The following STAB1 variants were observed in gnomAD, a reference collection of about 807,000 sequenced individuals.
STAB1 encodes stabilin-1.
Under a neutral mutation model 332.4 loss-of-function variants are expected in STAB1, and 250 were observed. The ratio of observed to expected loss-of-function variants is 0.75; its 90% CI spans 0.68 to 0.84. STAB1 has a LOEUF of 0.84. STAB1 is among the 40% of genes least tolerant of loss of function. The pLI is 0.00. For missense variants in STAB1, 3,249 were observed against 3,489.7 expected (o/e 0.93, Z 1.74); for synonymous variants, 1,475 against 1,390.4 (o/e 1.06, Z -1.35).
intron 18 of STAB1, 23 bp from the exon 19 acceptor site, chr3:52,507,590 C>A (rs1260802777): frequency 1.2e-6 from 2 of 1,609,560 alleles, no homozygotes; most frequent in Non-Finnish European, 1.7e-6. Context: ...CCCCTCTCCC[C>A]ATCCTGCCCC....
chr3:52,504,467 G>A lies in STAB1; in HGVS notation c.1157G>A (p.Gly386Asp). 1 of 1,613,948 alleles carries A rather than the reference G, an allele frequency of 6.2e-7. No individual in the cohort carries two copies. The highest frequency in any genetic ancestry group is 8.5e-7 in the Non-Finnish European group (1 of 1,179,984). Residue 386 changes from glycine (G) to aspartate (D), a missense_variant, in exon 11 of 69, where the codon GGC (glycine) becomes GAC (aspartate). Physicochemically the swap from Gly to Asp is moderately conservative, Grantham distance 94. Coordinates refer to ENST00000321725, the MANE Select transcript of STAB1 (RefSeq NM_015136.3). ...CCCTCACCCTGCCCCCCAGACCAGG[G>A]CTGCCGGGAAATCCTTACCACAGCG... is the stretch of plus-strand genomic sequence containing the variant. ...LRVAVAMMDQ[G>D]CREILTTAGP...
chr3:52,513,245 T>C lies in STAB1; in HGVS notation c.3270+4T>C. On this transcript the variant is annotated splice_donor_region_variant and intron_variant, in intron 30 of 68. Coordinates refer to ENST00000321725, the MANE Select transcript of STAB1 (RefSeq NM_015136.3). ...GGAGATTCGCAACATTAGTGGGGTA[T>C]GTGGTGAACTCTGGGCAGAAAAGGG... is the stretch of plus-strand genomic sequence containing the variant. 1.3e-6 allele frequency: 2 copies of C among 1,567,394 alleles called. No individual in the cohort carries two copies. Among genetic ancestry groups the C allele is most frequent in the Non-Finnish European group, 1.7e-6 (2 of 1,157,022 alleles).
Position 52,516,032 on chromosome 3 carries a change from C to T in STAB1, c.3949-11C>T. ...CCTCTCTCGCCCTCTCTCCCATCCC[C>T]ACGCCGACAGGTGCCGGACTGCTGC... On this transcript the variant is annotated splice_polypyrimidine_tract_variant and intron_variant, in intron 37 of 68. Transcript: ENST00000321725. 7 of 1,596,454 alleles carry T rather than the reference C, an allele frequency of 4.4e-6. No homozygotes were observed. Among genetic ancestry groups the T allele is most frequent in the Non-Finnish European group, 6.0e-6 (7 of 1,171,786 alleles).
rs1348600423 is a variant in STAB1 at position 52,510,394 on chromosome 3, C to T, written c.2674C>T (p.His892Tyr). 2 of 1,613,968 alleles carry T rather than the reference C, an allele frequency of 1.2e-6. No homozygotes were observed. Among genetic ancestry groups the T allele is most frequent in the Admixed American group, 1.7e-5 (1 of 60,004 alleles). ...CCTGGGCACCCACCACTGCACATGC[C>T]ACAAAGGCTGGAGTGGGGATGGCCG... ...GSLGTHHCTC[H>Y]KGWSGDGRVC... Residue 892 changes from histidine (H) to tyrosine (Y), a missense_variant, in exon 25 of 69, where the codon CAC (histidine) becomes TAC (tyrosine). Transcript: ENST00000321725.
At chr3:52,502,585 G>A in intron 5 of STAB1, 47 bp from the exon 6 acceptor site, 1 of 1,508,168 alleles carries the variant, frequency 6.6e-7, no homozygotes, top group Non-Finnish European at 9.2e-7. Context: ...CCCAGTGTGT[G>A]CCTGGGAGAG....
In STAB1 at chr3:52,517,401, T is replaced by C; in HGVS notation, c.4563+8T>C. On this transcript the variant is annotated splice_region_variant and intron_variant, in intron 43 of 68. Transcript: ENST00000321725. ...CCCACTGGCCCCCAGCAGGTCAGCA[T>C]GGCAGGGTTGGACATGGGGCATCAT... 6.3e-7 allele frequency: 1 copy of C among 1,596,832 alleles called. No homozygotes were observed. The highest frequency in any genetic ancestry group is 8.5e-7 in the Non-Finnish European group (1 of 1,172,376).
At position 52,503,458 on chromosome 3, in the gene STAB1, G is replaced by C. The variant is rs780296794; in HGVS notation, c.809G>C (p.Cys270Ser). 10 of 1,613,846 alleles carry C rather than the reference G, an allele frequency of 6.2e-6. No individual in the cohort carries two copies. The highest frequency in any genetic ancestry group is 8.5e-6 in the Non-Finnish European group (10 of 1,180,044). Residue 270 changes from cysteine to serine, a missense_variant, in exon 8 of 69, where the codon TGT becomes TCT. Cys to Ser is a moderately radical substitution (Grantham distance 112). Coordinates refer to ENST00000321725, the MANE Select transcript of STAB1 (RefSeq NM_015136.3). ...AACTACCATGGCGATGGGATGGTGT[G>C]TCTGCCCAAGGACCCATGCACTGAC... ...PENYHGDGMVCLPKDPCTDNL... is the reference protein window; with the variant it reads ...PENYHGDGMVSLPKDPCTDNL...
At chr3:52,517,495 G>C (rs946306595) in intron 43 of STAB1, 55 bp from the exon 44 acceptor site, 1 of 1,602,134 alleles carries the variant, frequency 6.2e-7, no homozygotes, top group Non-Finnish European at 8.5e-7. Context: ...CTTTTACCCA[G>C]GGTGCTGGCC....
In STAB1 at chr3:52,523,487, G is replaced by A. The variant is rs200488238; in HGVS notation, c.7201G>A (p.Ala2401Thr). The A allele has an allele frequency of 9.9e-5, 160 of 1,612,276 alleles. No homozygotes were observed. Among genetic ancestry groups the A allele is most frequent in the Admixed American group, 3.2e-4 (19 of 60,026 alleles). The change falls in exon 65 of 69, where the codon GCC (alanine) becomes ACC (threonine). Residue 2401 changes from alanine to threonine, a missense_variant. Physicochemically the swap from Ala to Thr is moderately conservative, Grantham distance 58 (BLOSUM62 0). Coordinates refer to ENST00000321725, the MANE Select transcript of STAB1 (RefSeq NM_015136.3). Reference protein sequence around the residue: ...ASNATLLSANASQGKLLPAHS... With the variant: ...ASNATLLSANTSQGKLLPAHS... ...CAACGCCACCCTCCTAAGTGCCAAC[G>A]CCAGCCAGGGGAAGTTGCTTCCGGC...
intron 16 of STAB1, 75 bp downstream of exon 16, chr3:52,506,011 G>A: frequency 1.3e-6 from 2 of 1,579,058 alleles, no homozygotes; most frequent in Non-Finnish European, 1.7e-6. Flanking sequence ...CTTCCCCAAG[G>A]CCCCATCTCT....
intron 23 of STAB1, 29 bp downstream of exon 23, chr3:52,510,085 A>G: frequency 6.2e-7 from 1 of 1,613,066 alleles, no homozygotes. Context: ...TGTCTGCCCC[A>G]CCCGTGACCT....
intron 10 of STAB1, 85 bp downstream of exon 10, chr3:52,504,240 C>G (rs1437265888): frequency 6.6e-6 from 10 of 1,521,408 alleles, no homozygotes; most frequent in Non-Finnish European, 8.8e-6. Flanking sequence ...TCTGCAGATT[C>G]CAGTTTCTCT....
At chr3:52,513,495 G>T (rs991369930) in intron 30 of STAB1, among the ~76,000 whole-genome samples, 1 of 152,194 alleles carries the variant, frequency 6.6e-6, no homozygotes, top group African/African-American at 2.4e-5. Flanking sequence ...CTGTCACCAC[G>T]GGCCCTGGGG....
rs775040378 is a variant in STAB1, at chr3:52,509,913, TG to T, written c.2398del (p.Val800CysfsTer113). 8.1e-6 allele frequency: 13 copies of T among 1,612,814 alleles called. No individual in the cohort carries two copies. The highest frequency in any genetic ancestry group is 1.0e-5 in the Non-Finnish European group (12 of 1,179,984). ...GTCTCTGCGACAACCGCCCAGGCAG[TG>T]GGGGGGTGTGCCAGCAGGGCACGTG... ...HGLCDNRPGS[G>X]GVCQQGTCAP... On this transcript the variant is annotated frameshift_variant, in exon 23 of 69. Coordinates refer to ENST00000321725, the MANE Select transcript of STAB1 (RefSeq NM_015136.3). LOFTEE classifies it high-confidence loss of function.
At chr3:52,509,436 G>A (rs1709130380) in intron 22 of STAB1, 115 bp downstream of exon 22, 4 of 796,320 alleles carry the variant, frequency 5.0e-6, no homozygotes. Context: ...GAAGGCCAAG[G>A]GGAGTGGAGG....
At chr3:52,523,189 C>G (rs879043046) in intron 63 of STAB1, 33 bp from the exon 64 acceptor site, 1 of 1,612,456 alleles carries the variant, frequency 6.2e-7, no homozygotes, top group East Asian at 2.2e-5. Context: ...GAGGAGGGAG[C>G]CTGCTCATAG....
Position 52,501,741 on chromosome 3 carries a change from T to A in STAB1, c.319T>A (p.Ser107Thr). The A allele has an allele frequency of 6.4e-7, 1 of 1,563,904 alleles. No individual in the cohort carries two copies. Among genetic ancestry groups the A allele is most frequent in the Non-Finnish European group, 8.7e-7 (1 of 1,155,028 alleles). Residue 107 changes from serine (S) to threonine (T), a missense_variant, in exon 3 of 69, where the codon TCC becomes ACC. Physicochemically the swap from Ser to Thr is moderately conservative, Grantham distance 58. Transcript: ENST00000321725. ...GGCCTGCTGCCCTGGCTACTGGGGTTCCCGGTGCCATGGTATGGGAGAAAG... is the reference window on the plus strand; with the variant it reads ...GGCCTGCTGCCCTGGCTACTGGGGTACCCGGTGCCATGGTATGGGAGAAAG... ...QKACCPGYWG[S>T]RCHECPGGAE...
At chr3:52,506,080 G>T (rs1206551145) in intron 16 of STAB1, 90 bp from the exon 17 acceptor site, 14 of 1,513,852 alleles carry the variant, frequency 9.2e-6, no homozygotes, top group Non-Finnish European at 1.2e-5. Context: ...AGGGACCAAG[G>T]GGGTGGCTGT....
intron 22 of STAB1, 37 bp downstream of exon 22, chr3:52,509,358 A>C (rs760187838): frequency 3.8e-6 from 6 of 1,586,934 alleles, no homozygotes; most frequent in Non-Finnish European, 4.3e-6. Flanking sequence ...CCTAGGGAGA[A>C]AAAACGTCTG....
Sources: gnomAD v4.1 joint callset for allele counts (sites outside exome capture counted in the v4.1 genomes callset) on GRCh38, gnomAD v4.1.1 for gene constraint, MANE v1.5 for transcripts, NCBI Gene and HGNC (gene_info 2026-07-23, HGNC 2026-07-21) for gene names.